The following IGF1R variants were observed in gnomAD, a reference collection of about 807,000 sequenced individuals.
IGF1R encodes insulin like growth factor 1 receptor.
A neutral mutation model predicts 144.6 loss-of-function variants in IGF1R; 44 were observed. That is an observed-to-expected ratio of 0.30 (90% CI 0.24 to 0.39). The LOEUF (loss-of-function observed/expected upper bound fraction) is 0.39. IGF1R is among the 10% of genes least tolerant of loss of function. The pLI is 1.00. For missense variants in IGF1R, 1,355 were observed against 1,833.7 expected (o/e 0.74, Z 4.77); for synonymous variants, 795 against 722.8 (o/e 1.10, Z -1.60).
chr15:98,861,407 C>A (rs1259685756), intron 2 of IGF1R, among the ~76,000 whole-genome samples: 1 of 152,196 alleles, frequency 6.6e-6, no homozygotes, highest in African/African-American at 2.4e-5. Context: ...AGGACCCTTA[C>A]ACCCTCTGCA....
chr15:98,713,243 A>G (rs951746281), intron 2 of IGF1R, among the ~76,000 whole-genome samples: 5 of 152,050 alleles, frequency 3.3e-5, no homozygotes, highest in Non-Finnish European at 7.4e-5. Flanking sequence ...TTCTGGGTGT[A>G]TCCTCCACTG....
In IGF1R at chr15:98,963,213, ATTTTT is replaced by A. The variant is rs35151840; in HGVS notation, c.*5785_*5789del. The A allele has an allele frequency of 8.2e-4, 173 of 212,204 alleles. 1 individual carries two copies. The highest frequency in any genetic ancestry group is 2.9e-3 in the African/African-American group (119 of 41,134). The allele number at this position is 212,204 out of a possible 1,614,324, so 13.1% of individuals were successfully genotyped here. A position where few individuals can be genotyped will look rare whatever the true frequency, so the allele number is the denominator to read the frequency against. On this transcript the variant is annotated 3_prime_UTR_variant, in exon 21 of 21. Transcript: ENST00000650285. ...GTGTGCAAATGTGTGTTTGTGATCCATTTTTTTTTTTTTTTTTTAGGACACCTGTT... is the reference window on the plus strand; with the variant it reads ...GTGTGCAAATGTGTGTTTGTGATCCATTTTTTTTTTTTTAGGACACCTGTT...
At chr15:98,799,647 C>T (rs1053848954) in intron 2 of IGF1R, among the ~76,000 whole-genome samples, 5 of 152,028 alleles carry the variant, frequency 3.3e-5, no homozygotes, top group Admixed American at 1.3e-4. Flanking sequence ...GCATGGGGGA[C>T]CGAGTGTGGT....
chr15:98,917,935 G>A (rs1239745008), intron 10 of IGF1R, among the ~76,000 whole-genome samples: 1 of 152,178 alleles, frequency 6.6e-6, no homozygotes, highest in African/African-American at 2.4e-5. Flanking sequence ...GTACCATTCT[G>A]TGAATGCAAT....
chr15:98,662,968 G>T (rs1205047873), intron 1 of IGF1R, among the ~76,000 whole-genome samples: 2 of 152,188 alleles, frequency 1.3e-5, no homozygotes, highest in Non-Finnish European at 2.9e-5. Flanking sequence ...TGAGAAGGGT[G>T]TTCTGGGGAG....
intron 2 of IGF1R, among the ~76,000 whole-genome samples, chr15:98,745,747 AC>A (rs1457470110): frequency 6.6e-6 from 1 of 152,222 alleles, no homozygotes; most frequent in Non-Finnish European, 1.5e-5. Flanking sequence ...TGAAATCTAC[AC>A]ATTTATCAAC....
Position 98,960,250 on chromosome 15 carries a change from T to TCAGA in IGF1R, c.*2812_*2815dup, listed in dbSNP as rs2017170802. The TCAGA allele has an allele frequency of 4.3e-6, 1 of 233,368 alleles. No homozygotes were observed. The allele number at this position is 233,368 out of a possible 1,614,324, so 14.5% of individuals were successfully genotyped here. A position where few individuals can be genotyped will look rare whatever the true frequency, so the allele number is the denominator to read the frequency against. On this transcript the variant is annotated 3_prime_UTR_variant, in exon 21 of 21. Coordinates refer to ENST00000650285, the MANE Select transcript of IGF1R (RefSeq NM_000875.5). ...ACACTAACTCACCTCTCTGCTCATTTCAGACAGCTTGCCTTTTTCTGAGAT... is the reference window on the plus strand; with the variant it reads ...ACACTAACTCACCTCTCTGCTCATTTCAGACAGACAGCTTGCCTTTTTCTGAGAT...
intron 2 of IGF1R, among the ~76,000 whole-genome samples, chr15:98,750,474 C>T (rs1237238117): frequency 6.6e-6 from 1 of 152,196 alleles, no homozygotes; most frequent in Non-Finnish European, 1.5e-5. Context: ...TCCAAATCTT[C>T]TGAGCCTAGT....
intron 20 of IGF1R, among the ~76,000 whole-genome samples, chr15:98,954,947 C>T (rs1326194245): frequency 1.3e-5 from 2 of 152,100 alleles, no homozygotes; most frequent in East Asian, 3.8e-4. Context: ...CCCAGGGTTA[C>T]TCTTATTTAG....
intron 2 of IGF1R, among the ~76,000 whole-genome samples, chr15:98,740,584 T>A (rs984161207): frequency 1.3e-5 from 2 of 152,216 alleles, no homozygotes; most frequent in African/African-American, 4.8e-5. Context: ...GAAGTAGGAT[T>A]TCTCTTTTTG....
intron 5 of IGF1R, 78 bp from the exon 6 acceptor site, chr15:98,908,607 C>T (rs905863573): frequency 4.9e-6 from 5 of 1,018,118 alleles, no homozygotes; most frequent in Non-Finnish European, 7.6e-6. Context: ...GCAAAGAGGA[C>T]CTGTGTTACG....
rs4965426 is a variant in IGF1R, at chr15:98,704,812, G to A, written c.95-2750G>A. On this transcript the variant is annotated intron_variant, in intron 1 of 20. Transcript: ENST00000650285. This position sits in a 1 kb window ranked among gnomAD's most constrained non-coding sequence, Gnocchi z 4.9. Reference sequence around the variant, plus strand: ...AGCGTGCTGCACAGGGAGGAAAGACGTGGGGCAGCATTGTGGGAAGAGCAA... The same window carrying A: ...AGCGTGCTGCACAGGGAGGAAAGACATGGGGCAGCATTGTGGGAAGAGCAA... Among the ~76,000 whole-genome samples the A allele has an allele frequency of 0.18, 27,838 of 152,054 alleles. 2,777 individuals carry two copies. Among genetic ancestry groups the A allele is most frequent in the South Asian group, 0.27 (1,300 of 4,830 alleles).
intron 2 of IGF1R, among the ~76,000 whole-genome samples, chr15:98,709,074 T>C (rs1473920578): frequency 6.6e-6 from 1 of 152,252 alleles, no homozygotes. Context: ...AGGAAGCTTT[T>C]CCTCACTGGT....
chr15:98,711,716 C>T (rs948024692), intron 2 of IGF1R, among the ~76,000 whole-genome samples: 47 of 152,240 alleles, frequency 3.1e-4, no homozygotes, highest in African/African-American at 1.1e-3. Context: ...CCACAGGTGC[C>T]GCTTCTCTGT....
chr15:98,707,029 C>A lies in IGF1R; in HGVS notation c.95-533C>A, dbSNP rs969680945. Reference sequence around the variant, plus strand: ...GCTTATGTCAAATGGTAGTGGGAAGCATGGAAGCATGCGTTTTTTAGTCCC... The same window carrying A: ...GCTTATGTCAAATGGTAGTGGGAAGAATGGAAGCATGCGTTTTTTAGTCCC... On this transcript the variant is annotated intron_variant, in intron 1 of 20. Transcript: ENST00000650285. The surrounding 1 kb of genome is among the most constrained non-coding windows in gnomAD (Gnocchi z 6.7). 3.3e-5 allele frequency among the ~76,000 whole-genome samples: 5 copies of A among 152,178 alleles called. No homozygotes were observed. The highest frequency in any genetic ancestry group is 7.3e-5 in the Non-Finnish European group (5 of 68,040).
At chr15:98,828,018 CA>C (rs1458833773) in intron 2 of IGF1R, among the ~76,000 whole-genome samples, 1 of 152,118 alleles carries the variant, frequency 6.6e-6, no homozygotes, top group Non-Finnish European at 1.5e-5. Flanking sequence ...AGTACGCCTC[CA>C]AAATTTGGAA....
rs191728393 is a variant in IGF1R at position 98,865,309 on chromosome 15, A to G, written c.641-26016A>G. Among the ~76,000 whole-genome samples the G allele has an allele frequency of 1.8e-3, 269 of 152,344 alleles. 2 individuals are homozygous for G. Among genetic ancestry groups the G allele is most frequent in the African/African-American group, 5.5e-3 (228 of 41,574 alleles). ...ATTTGAGTATTACTTACAGACCCCA[A>G]AGGATATCCCAAAGGATATGTTGGA... is the stretch of plus-strand genomic sequence containing the variant. On this transcript the variant is annotated intron_variant, in intron 2 of 20. Coordinates refer to ENST00000650285, the MANE Select transcript of IGF1R (RefSeq NM_000875.5).
intron 2 of IGF1R, among the ~76,000 whole-genome samples, chr15:98,812,759 A>G (rs1044724301): frequency 3.9e-5 from 6 of 152,002 alleles, no homozygotes; most frequent in African/African-American, 1.5e-4. Context: ...CTTGCCCCCA[A>G]CTTTTATCTT....
chr15:98,836,435 G>A (rs1428030103), intron 2 of IGF1R, among the ~76,000 whole-genome samples: 3 of 151,132 alleles, frequency 2.0e-5, no homozygotes, highest in African/African-American at 7.3e-5. Flanking sequence ...TGGGAGGATC[G>A]CATGAGCCAG....
Sources: allele counts gnomAD v4.1 joint callset (sites outside exome capture counted in the v4.1 genomes callset), GRCh38; gene constraint gnomAD v4.1.1; non-coding constraint Gnocchi (gnomAD v3.1); transcripts MANE v1.5; gene names NCBI Gene and HGNC (gene_info 2026-07-23, HGNC 2026-07-21).